Variants in DPP6 observed in about 807,000 individuals in gnomAD.
DPP6 encodes the protein A-type potassium channel modulatory protein DPP6.
Under a neutral mutation model 122.6 loss-of-function variants are expected in DPP6, and 69 were observed. The ratio of observed to expected loss-of-function variants is 0.56; its 90% CI spans 0.46 to 0.69. The LOEUF (loss-of-function observed/expected upper bound fraction) is 0.69, where lower values mean the gene tolerates loss of function less well. Among genes scored for constraint, DPP6 ranks in the 30% least tolerant of loss-of-function variants. DPP6 has a pLI of 0.00. For synonymous variants in DPP6, 418 were observed against 433.1 expected (o/e 0.97, Z 0.43); for missense variants, 928 against 1,116.9 (o/e 0.83, Z 2.41).
chr7:153,962,533 C>G (rs1795404784), intron 1 of DPP6, among the ~76,000 whole-genome samples: 1 of 152,192 alleles, frequency 6.6e-6, no homozygotes, highest in Non-Finnish European at 1.5e-5. Flanking sequence ...GTCACAACCA[C>G]CCACCATCAT....
At chr7:154,311,947 A>G (rs1806936372) in intron 1 of DPP6, among the ~76,000 whole-genome samples, 1 of 152,236 alleles carries the variant, frequency 6.6e-6, no homozygotes, top group Non-Finnish European at 1.5e-5. Context: ...TGCAATTTCA[A>G]CAGTAGCTAT....
intron 1 of DPP6, among the ~76,000 whole-genome samples, chr7:154,305,971 C>T (rs1319459416): frequency 1.3e-5 from 2 of 152,094 alleles, no homozygotes; most frequent in African/African-American, 2.4e-5. Flanking sequence ...GAAACATCAG[C>T]GTATTCTGAC....
chr7:154,092,722 C>A (rs1361371858), intron 1 of DPP6: 7 of 152,094 alleles, frequency 4.6e-5, no homozygotes, highest in African/African-American at 1.7e-4. Context: ...GTAGGTTGCT[C>A]TATTTCCTTT....
intron 1 of DPP6, among the ~76,000 whole-genome samples, chr7:154,054,275 T>C (rs568343888): frequency 1.3e-5 from 2 of 152,298 alleles, no homozygotes; most frequent in South Asian, 4.1e-4. Context: ...GCTGGTTCCC[T>C]GTTTCGTATT....
intron 5 of DPP6, among the ~76,000 whole-genome samples, chr7:154,574,700 GGT>G (rs1267622350): frequency 1.4e-3 from 197 of 137,836 alleles, no homozygotes; most frequent in South Asian, 6.9e-3. Context: ...ATATGTGTGT[GGT>G]GTGTGTGTAT....
intron 16 of DPP6, among the ~76,000 whole-genome samples, chr7:154,828,391 G>A (rs907243082): frequency 6.6e-6 from 1 of 151,986 alleles, no homozygotes; most frequent in African/African-American, 2.4e-5. Flanking sequence ...TGAGCGTGAA[G>A]GTCACTAGCT....
chr7:154,111,801 C>T (rs1161696013), intron 1 of DPP6, among the ~76,000 whole-genome samples: 1 of 152,158 alleles, frequency 6.6e-6, no homozygotes, highest in African/African-American at 2.4e-5. Context: ...GAGGATATGA[C>T]TAACTCTTAG....
intron 1 of DPP6, among the ~76,000 whole-genome samples, chr7:153,946,061 A>G (rs1056788905): frequency 1.3e-5 from 2 of 152,182 alleles, no homozygotes; most frequent in African/African-American, 4.8e-5. Context: ...GCACAGACAC[A>G]AGAAACATAG....
chr7:154,803,312 A>G (rs1473113583), intron 13 of DPP6, among the ~76,000 whole-genome samples: 1 of 152,126 alleles, frequency 6.6e-6, no homozygotes, highest in Non-Finnish European at 1.5e-5. Flanking sequence ...GTCTGTTACC[A>G]TTCTTCTTAG....
At chr7:154,135,975 T>A (rs1399942209) in intron 1 of DPP6, among the ~76,000 whole-genome samples, 5 of 152,244 alleles carry the variant, frequency 3.3e-5, no homozygotes, top group African/African-American at 9.6e-5. Flanking sequence ...CTGTGCACTT[T>A]CTCTAAGTCC....
chr7:154,332,479 G>A (rs377544012), intron 1 of DPP6, among the ~76,000 whole-genome samples: 92 of 152,308 alleles, frequency 6.0e-4, no homozygotes, highest in African/African-American at 1.9e-3. Flanking sequence ...CGTCTCTCAC[G>A]GGCTCCCAGG....
At chr7:153,837,433 A>G in the DPP6 span, among the ~76,000 whole-genome samples, 1 of 152,220 alleles carries the variant, frequency 6.6e-6, no homozygotes, top group Non-Finnish European at 1.5e-5. Flanking sequence ...GACAGCTTAA[A>G]TACCTTAACC....
chr7:154,209,565 T>G (rs1799629431), intron 1 of DPP6, among the ~76,000 whole-genome samples: 1 of 151,958 alleles, frequency 6.6e-6, no homozygotes, highest in Non-Finnish European at 1.5e-5. Context: ...ACAAAAAACC[T>G]TTCTTCAGCT....
intron 3 of DPP6, among the ~76,000 whole-genome samples, chr7:154,510,686 A>C (rs903617712): frequency 1.4e-5 from 2 of 139,888 alleles, no homozygotes; most frequent in African/African-American, 5.1e-5. Context: ...GTGACAGCCC[A>C]GGTGTCTCAA....
chr7:153,858,723 C>T, the DPP6 span, among the ~76,000 whole-genome samples: 41,314 of 152,126 alleles, frequency 0.27, 6,540 homozygotes, highest in Admixed American at 0.35. Context: ...TTCCCTTTGG[C>T]TTTAAACAGA....
At chr7:153,863,171 G>C in the DPP6 span, among the ~76,000 whole-genome samples, 1 of 151,676 alleles carries the variant, frequency 6.6e-6, no homozygotes, top group Admixed American at 6.6e-5. Context: ...TTCCAATTTT[G>C]ATTTCATCAA....
At chr7:153,797,389 G>C in the DPP6 span, among the ~76,000 whole-genome samples, 4 of 152,326 alleles carry the variant, frequency 2.6e-5, no homozygotes, top group South Asian at 8.3e-4. Flanking sequence ...AGGATGGAGA[G>C]TGTGGAGAAG....
At chr7:153,961,903 G>A (rs1037255523) in intron 1 of DPP6, among the ~76,000 whole-genome samples, 5 of 146,400 alleles carry the variant, frequency 3.4e-5, no homozygotes, top group South Asian at 4.6e-4. Context: ...GATGGGGAGC[G>A]GCTGTAAGTA....
intron 10 of DPP6, among the ~76,000 whole-genome samples, chr7:154,779,298 T>TCGCCTC (rs1314060357): frequency 7.1e-5 from 4 of 56,422 alleles, no homozygotes; most frequent in Non-Finnish European, 1.8e-4. Context: ...CCCACTACTA[T>TCGCCTC]CACCACCACC....
Sources: gnomAD v4.1 joint callset for allele counts (sites outside exome capture counted in the v4.1 genomes callset) on GRCh38, gnomAD v4.1.1 for gene constraint, MANE v1.5 for transcripts, NCBI Gene and HGNC (gene_info 2026-07-23, HGNC 2026-07-21) for gene names.